The following ZNF600 variants were observed in gnomAD, a reference collection of about 807,000 sequenced individuals.
ZNF600 encodes the protein zinc finger protein 600.
A neutral mutation model predicts 7.3 loss-of-function variants in ZNF600; 4 were observed. The ratio of observed to expected loss-of-function variants is 0.55; its 90% CI spans 0.27 to 1.25. The LOEUF is 1.25. Ranked by LOEUF, ZNF600 falls within the 50% of genes most tolerant of loss-of-function variation. ZNF600 has a pLI of 0.12. For missense variants in ZNF600, 911 were observed against 922.1 expected (o/e 0.99, Z 0.16); for synonymous variants, 290 against 308.9 (o/e 0.94, Z 0.64).
chr19:52,819,141 T>G, the ZNF600 span, among the ~76,000 whole-genome samples: 1 of 138,772 alleles, frequency 7.2e-6, no homozygotes, highest in African/African-American at 2.8e-5. Context: ...CAAATGTGAC[T>G]GGGGCAGAGG....
chr19:52,816,942 T>C, the ZNF600 span, among the ~76,000 whole-genome samples: 2 of 151,740 alleles, frequency 1.3e-5, no homozygotes, highest in South Asian at 2.1e-4. Flanking sequence ...TAGAGAAAAA[T>C]TGCAACCACT....
the ZNF600 span, among the ~76,000 whole-genome samples, chr19:52,817,597 G>A: frequency 6.6e-6 from 1 of 152,006 alleles, no homozygotes; most frequent in Non-Finnish European, 1.5e-5. Context: ...ATTGGCAGCT[G>A]CTCTAATCCT....
At chr19:52,784,263 G>T (rs1027414869) in intron 1 of ZNF600, among the ~76,000 whole-genome samples, 2 of 152,004 alleles carry the variant, frequency 1.3e-5, no homozygotes. Flanking sequence ...ACAACTAGCT[G>T]GGCTTGGTGT....
intron 1 of ZNF600, among the ~76,000 whole-genome samples, chr19:52,786,297 A>C (rs2062763071): frequency 6.6e-6 from 1 of 152,056 alleles, no homozygotes; most frequent in African/African-American, 2.4e-5. Context: ...ACCCTAAGAC[A>C]AAGGTGGGAC....
At chr19:52,765,597 T>C (rs1193111795) in exon 4 of ZNF600, 1 of 1,613,812 alleles carries the variant, frequency 6.2e-7, no homozygotes, top group East Asian at 2.2e-5. Flanking sequence ...TTAGTCAAGT[T>C]TCCCTACACC....
At chr19:52,796,044 G>A in the ZNF600 span, among the ~76,000 whole-genome samples, 9 of 152,150 alleles carry the variant, frequency 5.9e-5, no homozygotes, top group African/African-American at 1.7e-4. Flanking sequence ...GTGCAATGGC[G>A]CATGGCTGTG....
At chr19:52,810,269 G>T in the ZNF600 span, 1 of 1,402,960 alleles carries the variant, frequency 7.1e-7, no homozygotes, top group Admixed American at 1.7e-5. Flanking sequence ...CTGGCCCAGT[G>T]ATCACGTCCA....
chr19:52,829,741 G>A, the ZNF600 span, among the ~76,000 whole-genome samples: 68,805 of 151,222 alleles, frequency 0.45, 17,067 homozygotes, highest in Non-Finnish European at 0.57. Flanking sequence ...CAAACTCCTC[G>A]CCTCAAGCGA....
chr19:52,771,904 C>A (rs111850723), intron 3 of ZNF600, among the ~76,000 whole-genome samples: 9,243 of 151,712 alleles, frequency 0.061, 920 homozygotes, highest in African/African-American at 0.21. Context: ...TAAGCCACTG[C>A]GGCTGGCCAG....
At position 52,765,855 on chromosome 19, in the gene ZNF600, C is replaced by A. The variant is rs1401515441; in HGVS notation, c.2108G>T (p.Gly703Val). The A allele has an allele frequency of 1.9e-6, 3 of 1,613,906 alleles. No individual in the cohort carries two copies. The highest frequency in any genetic ancestry group is 1.7e-6 in the Non-Finnish European group (2 of 1,179,864). ...TGTTTCACATTTGTAAAGTTTCTCC[C>A]CAGCATGAATTCTATGATGAAGTGA... Residue 703 changes from glycine to valine, a missense_variant, in exon 4 of 4, where the codon GGG becomes GTG. Physicochemically the swap from Gly to Val is moderately radical, Grantham distance 109. Coordinates refer to ENST00000648973, the Ensembl canonical transcript of ZNF600.
chr19:52,808,331 G>A, the ZNF600 span, among the ~76,000 whole-genome samples: 1 of 152,222 alleles, frequency 6.6e-6, no homozygotes, highest in South Asian at 2.1e-4. Flanking sequence ...AAATTCCTAA[G>A]TTTGTGAAAA....
chr19:52,813,103 CTTTA>C, the ZNF600 span, among the ~76,000 whole-genome samples: 1 of 151,996 alleles, frequency 6.6e-6, no homozygotes, highest in South Asian at 2.1e-4. Flanking sequence ...TTGGTTAATG[CTTTA>C]TTGTCACTAT....
chr19:52,797,716 CACAT>C, the ZNF600 span: 1 of 153,122 alleles, frequency 6.5e-6, no homozygotes, highest in African/African-American at 2.4e-5. Flanking sequence ...CATATAAATA[CACAT>C]ACAATCCATA....
the ZNF600 span, among the ~76,000 whole-genome samples, chr19:52,816,672 GA>G: frequency 6.9e-4 from 98 of 142,628 alleles, 14 homozygotes; most frequent in Middle Eastern, 3.5e-3. Flanking sequence ...CTCAAAAAAA[GA>G]AAAAAAAAAT....
At chr19:52,820,622 T>C in the ZNF600 span, among the ~76,000 whole-genome samples, 3 of 152,032 alleles carry the variant, frequency 2.0e-5, no homozygotes, top group Admixed American at 1.3e-4. Context: ...CCAGCACCAC[T>C]CTGCTCTGTC....
the ZNF600 span, among the ~76,000 whole-genome samples, chr19:52,824,606 G>C: frequency 2.0e-5 from 3 of 152,128 alleles, no homozygotes; most frequent in African/African-American, 7.2e-5. Flanking sequence ...CTGCACTCCA[G>C]CCTGGGTGAC....
chr19:52,803,634 A>G, the ZNF600 span, among the ~76,000 whole-genome samples: 1 of 152,216 alleles, frequency 6.6e-6, no homozygotes, highest in Non-Finnish European at 1.5e-5. Context: ...ACTTTCTGAT[A>G]TATGAGGTCA....
rs2062638399 is a variant in ZNF600, at chr19:52,772,539, G to A, written c.190+2036C>T. ...AATCCCTTGAACCCGGGAGGTGGAG[G>A]TTGTGGTGAACTGAGATTGTGCCAT... is the stretch of plus-strand genomic sequence containing the variant. On this transcript the variant is annotated intron_variant, in intron 3 of 3. Transcript: ENST00000648973. Among the ~76,000 whole-genome samples, 8 of 152,308 alleles carry A rather than the reference G, an allele frequency of 5.3e-5. No individual in the cohort carries two copies. The South Asian group carries it at 1.7e-3, about 32-fold the overall frequency.
upstream of ZNF600, among the ~76,000 whole-genome samples, chr19:52,788,949 G>A (rs537956222): frequency 7.2e-5 from 11 of 152,176 alleles, no homozygotes; most frequent in African/African-American, 1.2e-4. Context: ...CACCAGCCCC[G>A]CAGAGCCCCA....
Sources: gnomAD v4.1 joint callset for allele counts (sites outside exome capture counted in the v4.1 genomes callset) on GRCh38, gnomAD v4.1.1 for gene constraint, MANE v1.5 for transcripts, NCBI Gene and HGNC (gene_info 2026-07-23, HGNC 2026-07-21) for gene names.